The following PLCB1 variants were observed in gnomAD, a reference collection of about 807,000 sequenced individuals.
PLCB1 encodes phospholipase C beta 1, also known as 1-phosphatidylinositol 4,5-bisphosphate phosphodiesterase beta-1.
In PLCB1, 46 loss-of-function variants were observed where a neutral mutation model predicts 161.8. That is an observed-to-expected ratio of 0.28 (90% CI 0.22 to 0.36). The LOEUF is 0.36. Ranked by LOEUF, PLCB1 falls within the 10% of genes least tolerant of loss-of-function variation. The probability of loss-of-function intolerance (pLI) is 1.00; values close to 1 mark genes in which losing one functional copy is unlikely to be tolerated. For synonymous variants in PLCB1, 517 were observed against 503.7 expected (o/e 1.03, Z -0.35); for missense variants, 1,016 against 1,472.5 (o/e 0.69, Z 5.07).
At chr20:8,705,844 T>C (rs1978640912) in intron 11 of PLCB1, among the ~76,000 whole-genome samples, 1 of 152,080 alleles carries the variant, frequency 6.6e-6, no homozygotes, top group African/African-American at 2.4e-5. Context: ...CTGTGTAGAT[T>C]ATGATAATGA....
chr20:8,479,675 T>C (rs1982419241), intron 3 of PLCB1, among the ~76,000 whole-genome samples: 1 of 152,232 alleles, frequency 6.6e-6, no homozygotes, highest in African/African-American at 2.4e-5. Flanking sequence ...TAAGTGGAGT[T>C]GACAATCTAC....
chr20:8,844,487 C>A (rs533375690), intron 31 of PLCB1, among the ~76,000 whole-genome samples: 6 of 152,028 alleles, frequency 3.9e-5, no homozygotes, highest in Admixed American at 3.3e-4. Flanking sequence ...GGAGGCTGAG[C>A]CAGGAGGATC....
chr20:8,275,305 G>C (rs1439766890), intron 2 of PLCB1, among the ~76,000 whole-genome samples: 2 of 148,170 alleles, frequency 1.3e-5, no homozygotes, highest in Admixed American at 6.8e-5. Flanking sequence ...ACATGGTCAG[G>C]CTTCATTAGC....
At chr20:8,864,655 C>G (rs1418378479) in intron 31 of PLCB1, among the ~76,000 whole-genome samples, 1 of 152,152 alleles carries the variant, frequency 6.6e-6, no homozygotes, top group African/African-American at 2.4e-5. Flanking sequence ...ATTCAGTATT[C>G]CAAGTATTGC....
chr20:8,204,889 C>T (rs535542795), intron 2 of PLCB1, among the ~76,000 whole-genome samples: 1 of 152,136 alleles, frequency 6.6e-6, no homozygotes, highest in East Asian at 1.9e-4. Context: ...TAATAGGGTT[C>T]CCTTTCATCA....
rs199888561 is a variant in PLCB1 at position 8,628,330 on chromosome 20, A to G, written c.283A>G (p.Ile95Val). The G allele has an allele frequency of 1.2e-6, 2 of 1,614,072 alleles. No homozygotes were observed. Among genetic ancestry groups the G allele is most frequent in the Non-Finnish European group, 1.7e-6 (2 of 1,179,924 alleles). ...ACGTGAACTTTTGGATGTGGGGAAC[A>G]TCGGGCGCCTGGAGCAGCGCATGAT... ...KLRELLDVGN[I>V]GRLEQRMITV... The change falls in exon 4 of 32, where the codon ATC (isoleucine) becomes GTC (valine). Residue 95 changes from isoleucine to valine, a missense_variant. Around this residue, in one of 10 missense-constraint regions of PLCB1, gnomAD observed 181 missense variants for 236.7 expected, o/e 0.76. Transcript: ENST00000338037.
chr20:8,782,548 A>G (rs1042292915), intron 27 of PLCB1, among the ~76,000 whole-genome samples: 2 of 152,194 alleles, frequency 1.3e-5, no homozygotes, highest in Admixed American at 1.3e-4. Context: ...ACGCACCACC[A>G]TGCCCAGCTA....
At position 8,434,359 on chromosome 20, in the gene PLCB1, A is replaced by G. The variant is rs142088538; in HGVS notation, c.246+62909A>G. Among the ~76,000 whole-genome samples, 126 of 152,292 alleles carry G rather than the reference A, an allele frequency of 8.3e-4. No homozygotes were observed. In the East Asian group the frequency reaches 0.015, roughly 18 times the overall value. On this transcript the variant is annotated intron_variant, in intron 3 of 31. Coordinates refer to ENST00000338037, the MANE Select transcript of PLCB1 (RefSeq NM_015192.4). ...GGTCTCTGTCCTTAATGGTGTTATC[A>G]TATAGCAGAGGACAAAATCATAAAA...
At chr20:8,145,505 C>G (rs991947203) in intron 1 of PLCB1, among the ~76,000 whole-genome samples, 3 of 152,178 alleles carry the variant, frequency 2.0e-5, no homozygotes, top group Admixed American at 6.5e-5. Flanking sequence ...AACATGACAG[C>G]TCTAGTTAGA....
At chr20:8,347,201 C>G (rs1292164735) in intron 2 of PLCB1, among the ~76,000 whole-genome samples, 1 of 152,172 alleles carries the variant, frequency 6.6e-6, no homozygotes, top group Non-Finnish European at 1.5e-5. Context: ...TGGGAATTAC[C>G]TCTGTATTGT....
rs541496784 is a variant in PLCB1 at position 8,360,329 on chromosome 20, T to TAGCCAGTAAGGG, written c.178-11048_178-11037dup. Among the ~76,000 whole-genome samples the TAGCCAGTAAGGG allele has an allele frequency of 1.9e-3, 290 of 152,288 alleles. 1 individual carries two copies. The highest frequency in any genetic ancestry group is 6.4e-3 in the African/African-American group (268 of 41,560). On this transcript the variant is annotated intron_variant, in intron 2 of 31. Coordinates refer to ENST00000338037, the MANE Select transcript of PLCB1 (RefSeq NM_015192.4). ...TGATAGACGCTGGGGGATGGGTGTC[T>TAGCCAGTAAGGG]AGCCAGTAAGGGAGCCTAGCAGGGA...
At position 8,274,139 on chromosome 20, in the gene PLCB1, T is replaced by A. The variant is rs559178261; in HGVS notation, c.178-97243T>A. On this transcript the variant is annotated intron_variant, in intron 2 of 31. Coordinates refer to ENST00000338037, the MANE Select transcript of PLCB1 (RefSeq NM_015192.4). Reference sequence around the variant, plus strand: ...CAACTTTCCATATTTGCTCTCAGTATTTTTTAAAGCGTGTCATTGTTTTTG... The same window carrying A: ...CAACTTTCCATATTTGCTCTCAGTAATTTTTAAAGCGTGTCATTGTTTTTG... Among the ~76,000 whole-genome samples, 5 of 152,270 alleles carry A rather than the reference T, an allele frequency of 3.3e-5. No individual in the cohort carries two copies. The East Asian group carries it at 9.7e-4, about 29-fold the overall frequency.
intron 2 of PLCB1, among the ~76,000 whole-genome samples, chr20:8,233,201 G>A (rs1980153881): frequency 6.6e-6 from 1 of 151,376 alleles, no homozygotes; most frequent in South Asian, 2.1e-4. Flanking sequence ...CCTGCTCTGG[G>A]ATAGCTCCAG....
intron 31 of PLCB1, chr20:8,791,998 T>C (rs1299746602): frequency 6.6e-6 from 1 of 152,248 alleles, no homozygotes; most frequent in Non-Finnish European, 1.5e-5. Context: ...AATTCAGAGG[T>C]ACTACAGTTG....
chr20:8,839,192 C>G (rs1259994288), intron 31 of PLCB1, among the ~76,000 whole-genome samples: 1 of 152,154 alleles, frequency 6.6e-6, no homozygotes, highest in African/African-American at 2.4e-5. Flanking sequence ...GACCTTCTAC[C>G]TCAGTGAAAT....
intron 3 of PLCB1, among the ~76,000 whole-genome samples, chr20:8,422,390 T>G (rs1979576376): frequency 6.6e-6 from 1 of 152,202 alleles, no homozygotes; most frequent in Admixed American, 6.6e-5. Flanking sequence ...GCAAAATGCC[T>G]GCAGAAATAT....
chr20:8,289,258 G>A (rs185177634), intron 2 of PLCB1, among the ~76,000 whole-genome samples: 2 of 152,300 alleles, frequency 1.3e-5, no homozygotes, highest in African/African-American at 4.8e-5. Flanking sequence ...CTTTAAACAA[G>A]CACTTGACAT....
At chr20:8,752,035 A>T (rs1722048201) in intron 23 of PLCB1, 1 of 144,928 alleles carries the variant, frequency 6.9e-6, no homozygotes, top group African/African-American at 2.5e-5. Flanking sequence ...TTGTACTCCT[A>T]TAGGTGCTTT....
intron 31 of PLCB1, among the ~76,000 whole-genome samples, chr20:8,859,707 A>G (rs1160541654): frequency 6.6e-6 from 1 of 152,094 alleles, no homozygotes; most frequent in Non-Finnish European, 1.5e-5. Flanking sequence ...TCTTTTCCAC[A>G]GGGTAGACTC....
Sources: allele counts gnomAD v4.1 joint callset (sites outside exome capture counted in the v4.1 genomes callset), GRCh38; gene constraint gnomAD v4.1.1; regional missense constraint gnomAD v4.1.1; transcripts MANE v1.5; gene names NCBI Gene and HGNC (gene_info 2026-07-23, HGNC 2026-07-21).